Variants in CTSD observed in about 807,000 individuals in gnomAD.
The protein encoded by CTSD is cathepsin D.
In CTSD, 28 loss-of-function variants were observed where a neutral mutation model predicts 43.6. That is an observed-to-expected ratio of 0.64 (90% CI 0.48 to 0.88). The LOEUF (loss-of-function observed/expected upper bound fraction) is 0.88, where lower values mean the gene tolerates loss of function less well. CTSD is among the 40% of genes least tolerant of loss of function. The probability of loss-of-function intolerance (pLI) is 0.00; values close to 1 mark genes in which losing one functional copy is unlikely to be tolerated. For missense variants in CTSD, 485 were observed against 555.2 expected, an observed-to-expected ratio of 0.87 and a Z score of 1.27; for synonymous variants, 270 against 249.8, an observed-to-expected ratio of 1.08 and a Z score of -0.76.
chr11:1,757,439 C>T lies in CTSD; in HGVS notation c.589G>A (p.Gly197Ser). ...GITFIAAKFDGILGMAYPRIS... is the reference protein window; with the variant it reads ...GITFIAAKFDSILGMAYPRIS... ...CGGGGGTAGGCCATGCCCAGGATGCCATCGAACTTGGCTGCGATGAAGGTG... is the reference window on the plus strand; with the variant it reads ...CGGGGGTAGGCCATGCCCAGGATGCTATCGAACTTGGCTGCGATGAAGGTG... Residue 197 changes from glycine (G) to serine (S), a missense_variant, in exon 5 of 9, where the codon GGC becomes AGC. Coordinates refer to ENST00000236671, the MANE Select transcript of CTSD (RefSeq NM_001909.5). The T allele has an allele frequency of 6.2e-7, 1 of 1,614,130 alleles. No individual in the cohort carries two copies. Among genetic ancestry groups the T allele is most frequent in the Non-Finnish European group, 8.5e-7 (1 of 1,180,030 alleles).
rs780212490 is a variant in CTSD, at chr11:1,763,899, G to A, written c.-40C>T. On this transcript the variant is annotated 5_prime_UTR_variant, in exon 1 of 9. Transcript: ENST00000236671. The stretch of plus-strand genomic sequence containing the variant: ...GGTCGGAGAGGGTCGCCGAGGCCGT[G>A]CGCTTATAGCCGGGATGACGCCGCA... 46 of 1,503,444 alleles carry A rather than the reference G, an allele frequency of 3.1e-5. No individual in the cohort carries two copies. The highest frequency in any genetic ancestry group is 3.8e-5 in the Non-Finnish European group (43 of 1,127,388). The allele number at this position is 1,503,444 out of a possible 1,614,324, so 93.1% of individuals were successfully genotyped here.
chr11:1,759,491 G>A (rs370659548), intron 3 of CTSD, 25 bp downstream of exon 3: 170 of 1,612,518 alleles, frequency 1.1e-4, no homozygotes, highest in Non-Finnish European at 1.3e-4. Context: ...GGACCTGGGC[G>A]ACGGGGCCAG....
rs779278368 is a variant in CTSD, at chr11:1,761,437, G to A, written c.100C>T (p.Arg34Trp). Reference protein sequence around the residue: ...IPLHKFTSIRRTMSEVGGSVE... With the variant: ...IPLHKFTSIRWTMSEVGGSVE... Reference sequence around the variant, plus strand: ...GAGCCCCCAACCTCCGACATGGTCCGGCGGATGGACGTGAACTTGTGCAGC... The same window carrying A: ...GAGCCCCCAACCTCCGACATGGTCCAGCGGATGGACGTGAACTTGTGCAGC... Residue 34 changes from arginine to tryptophan, a missense_variant, in exon 2 of 9, where the codon CGG becomes TGG. Physicochemically the swap from Arg to Trp is moderately radical, Grantham distance 101 (BLOSUM62 -3). Transcript: ENST00000236671. 188 of 1,613,768 alleles carry A rather than the reference G, an allele frequency of 1.2e-4. 4 individuals carry two copies. In the Admixed American group the frequency reaches 3.1e-3, roughly 26 times the overall value.
At position 1,753,440 on chromosome 11, in the gene CTSD, C is replaced by T; in HGVS notation, c.*63G>A. ...GGTGTGTGTGGGAGGGGCCGCTGGG[C>T]CAGGGGCCTCCTGCTCTGGGACTCT... On this transcript the variant is annotated 3_prime_UTR_variant, in exon 9 of 9. Transcript: ENST00000236671. 6.3e-7 allele frequency: 1 copy of T among 1,596,478 alleles called. No homozygotes were observed. The highest frequency in any genetic ancestry group is 8.6e-7 in the Non-Finnish European group (1 of 1,165,458).
chr11:1,753,293 G>GAC lies in CTSD; in HGVS notation c.*209_*210insGT, dbSNP rs1845749667. On this transcript the variant is annotated 3_prime_UTR_variant, in exon 9 of 9. Transcript: ENST00000236671. The stretch of plus-strand genomic sequence containing the variant: ...GCTCTACCCCCACCAAACAGATGGA[G>GAC]AGACAGACAGGCAGGCAGCATTTCT... 4.7e-6 allele frequency: 3 copies of GAC among 633,224 alleles called. No individual in the cohort carries two copies. The highest frequency in any genetic ancestry group is 8.5e-6 in the Non-Finnish European group (3 of 352,622). 39.2% of individuals were successfully genotyped at this position (633,224 alleles called of 1,614,324 possible).
chr11:1,754,578 G>A (rs1185927747), intron 6 of CTSD, among the ~76,000 whole-genome samples: 1 of 140,386 alleles, frequency 7.1e-6, no homozygotes, highest in African/African-American at 2.7e-5. Context: ...GAGATGGAGG[G>A]TCATGAAGAG....
intron 1 of CTSD, chr11:1,761,860 G>A (rs776298920): frequency 2.4e-4 from 82 of 341,338 alleles, no homozygotes; most frequent in Non-Finnish European, 4.3e-4. Flanking sequence ...GGCTGCTCAG[G>A]GTGCTGGCGG....
In CTSD at chr11:1,759,523, G is replaced by A. The variant is rs200875086; in HGVS notation, c.345C>T (p.Ile115=). 1.4e-5 allele frequency: 22 copies of A among 1,613,538 alleles called. No individual in the cohort carries two copies. Among genetic ancestry groups the A allele is most frequent in the South Asian group, 9.9e-5 (9 of 91,088 alleles). ...VPSIHCKLLD[I]ACWIHHKYNS... ...CCAGGGTTCGTGACTCACAGCAAGC[G>A]ATGTCCAGCAGTTTGCAGTGGATGG... Residue 115 remains isoleucine (I), a synonymous_variant, in exon 3 of 9, where the codon ATC becomes ATT. Transcript: ENST00000236671.
intron 3 of CTSD, 42 bp from the exon 4 acceptor site, chr11:1,759,129 C>G (rs1565022113): frequency 4.9e-6 from 7 of 1,429,994 alleles, no homozygotes; most frequent in Non-Finnish European, 5.9e-6. Flanking sequence ...ATCCCGCAGC[C>G]CACGCCACGG....
chr11:1,762,712 T>G (rs1845896965), intron 1 of CTSD, among the ~76,000 whole-genome samples: 1 of 152,178 alleles, frequency 6.6e-6, no homozygotes. Flanking sequence ...CCAGGATCGT[T>G]TCCCCTCTGC....
At chr11:1,757,783 G>C (rs551553254) in intron 4 of CTSD, among the ~76,000 whole-genome samples, 8 of 152,130 alleles carry the variant, frequency 5.3e-5, no homozygotes, top group Non-Finnish European at 7.4e-5. Context: ...CGGTTTACAC[G>C]AGATGGGAAC....
At chr11:1,755,261 C>T in intron 5 of CTSD, 1 of 585,768 alleles carries the variant, frequency 1.7e-6, no homozygotes. Context: ...TTTTCCTCAA[C>T]CCTCAGGTTC....
Position 1,757,443 on chromosome 11 carries a change from G to A in CTSD, c.585C>T (p.Phe195=), listed in dbSNP as rs1320294. The A allele has an allele frequency of 3.7e-6, 6 of 1,613,980 alleles. No homozygotes were observed. Among genetic ancestry groups the A allele is most frequent in the East Asian group, 2.2e-5 (1 of 44,874 alleles). ...GGTAGGCCATGCCCAGGATGCCATC[G>A]AACTTGGCTGCGATGAAGGTGATGC... is the stretch of plus-strand genomic sequence containing the variant. The part of the protein sequence containing the change: ...QPGITFIAAK[F]DGILGMAYPR... The change falls in exon 5 of 9, where the codon TTC becomes TTT. Residue 195 remains phenylalanine, a synonymous_variant. Transcript: ENST00000236671.
chr11:1,753,929 T>C, intron 7 of CTSD, 28 bp from the exon 8 acceptor site: 1 of 1,612,442 alleles, frequency 6.2e-7, no homozygotes, highest in South Asian at 1.1e-5. Context: ...AGTGTCAGGG[T>C]GGTAGTGGTG....
chr11:1,762,200 GC>G (rs1038606377), intron 1 of CTSD: 41 of 153,318 alleles, frequency 2.7e-4, no homozygotes, highest in African/African-American at 9.2e-4. Context: ...CTTCTGTGCT[GC>G]CCCCCCCACC....
At position 1,754,584 on chromosome 11, in the gene CTSD, A is replaced by G. The variant is rs868338240; in HGVS notation, c.827+322T>C. ...GGGATGGAGGAGATGGAGGGTCATG[A>G]AGAGTCACAGAGGGATGAGGGGATG... On this transcript the variant is annotated intron_variant, in intron 6 of 8. Transcript: ENST00000236671. 1.1e-3 allele frequency among the ~76,000 whole-genome samples: 61 copies of G among 56,596 alleles called. 2 individuals are homozygous for G. The highest frequency in any genetic ancestry group is 9.4e-3 in the Middle Eastern group (1 of 106). 37.1% of individuals were successfully genotyped at this position (56,596 alleles called of 152,430 possible). A position where few individuals can be genotyped will look rare whatever the true frequency, so the allele number is the denominator to read the frequency against.
chr11:1,754,405 G>GGGGCATAGAGGGATGGAGGGGATGGA, intron 6 of CTSD: 1 of 543,368 alleles, frequency 1.8e-6, no homozygotes, highest in Non-Finnish European at 3.3e-6. Flanking sequence ...AGGGGATGGA[G>GGGGCATAGAGGGATGGAGGGGATGGA]GGGATGAAGG....
At chr11:1,760,141 C>T (rs921671693) in intron 2 of CTSD, among the ~76,000 whole-genome samples, 1 of 152,188 alleles carries the variant, frequency 6.6e-6, no homozygotes, top group East Asian at 1.9e-4. Context: ...GAACCCCAGG[C>T]TTGGAGGGCT....
chr11:1,752,940 C>G lies in CTSD; in HGVS notation c.*563G>C. 1.0e-5 allele frequency: 2 copies of G among 191,132 alleles called. No homozygotes were observed. The highest frequency in any genetic ancestry group is 1.4e-4 in the East Asian group (1 of 7,046). The allele number at this position is 191,132 out of a possible 1,614,324, so 11.8% of individuals were successfully genotyped here. The stretch of plus-strand genomic sequence containing the variant: ...CCCAGCACCACCCTGCAGGCTCCAA[C>G]AAGGTGGGTTTTGTCCCCTCTCACT... On this transcript the variant is annotated 3_prime_UTR_variant, in exon 9 of 9. Transcript: ENST00000236671.
Sources: gnomAD v4.1 joint callset for allele counts (sites outside exome capture counted in the v4.1 genomes callset) on GRCh38, gnomAD v4.1.1 for gene constraint, MANE v1.5 for transcripts, NCBI Gene and HGNC (gene_info 2026-07-23, HGNC 2026-07-21) for gene names.